The following KIF1A variants were observed in gnomAD, a reference collection of about 807,000 sequenced individuals.
KIF1A encodes the protein kinesin-like protein KIF1A.
In KIF1A, 46 loss-of-function variants were observed where a neutral mutation model predicts 227.3. The observed-to-expected ratio is 0.20, with a 90% CI of 0.16 to 0.26. The LOEUF (loss-of-function observed/expected upper bound fraction) is 0.26. KIF1A is among the 10% of genes least tolerant of loss of function. KIF1A has a pLI of 1.00. For synonymous variants in KIF1A, 1,022 were observed against 1,012.8 expected, an observed-to-expected ratio of 1.01 and a Z score of -0.17; for missense variants, 1,683 against 2,485.9, an observed-to-expected ratio of 0.68 and a Z score of 6.87.
In KIF1A at chr2:240,773,974, C is replaced by T. The variant is rs796116524; in HGVS notation, c.1037+209G>A. Among the ~76,000 whole-genome samples the T allele has an allele frequency of 1.1e-4, 16 of 152,328 alleles. 1 individual carries two copies. The highest frequency in any genetic ancestry group is 3.6e-4 in the African/African-American group (15 of 41,580). ...CTGGGCTGCCTGCAGCCCCAAAGCA[C>T]ACCCCCAAAGGCTCCATGGAGGGAA... On this transcript the variant is annotated intron_variant, in intron 12 of 48. Coordinates refer to ENST00000498729, the MANE Select transcript of KIF1A (RefSeq NM_001244008.2).
At position 240,788,034 on chromosome 2, in the gene KIF1A, C is replaced by CCCCCCCCCCCTCGG; in HGVS notation, c.363+16_363+17insCCGAGGGGGGGGGG. The CCCCCCCCCCCTCGG allele has an allele frequency of 1.2e-5, 17 of 1,449,042 alleles. No individual in the cohort carries two copies. Among genetic ancestry groups the CCCCCCCCCCCTCGG allele is most frequent in the Non-Finnish European group, 1.4e-5 (15 of 1,059,082 alleles). The allele number at this position is 1,449,042 out of a possible 1,614,324, so 89.8% of individuals were successfully genotyped here. On this transcript the variant is annotated intron_variant, in intron 4 of 48. Coordinates refer to ENST00000498729, the MANE Select transcript of KIF1A (RefSeq NM_001244008.2). This position sits in a 1 kb window ranked among gnomAD's most constrained non-coding sequence, Gnocchi z 6.6. ...CCCATCTGCCAGGGCTGCCCCCGCCCGCCCCCCGCTTCGTGCCTGTGGGAT... is the reference window on the plus strand; with the variant it reads ...CCCATCTGCCAGGGCTGCCCCCGCCCCCCCCCCCCCTCGGGCCCCCCGCTTCGTGCCTGTGGGAT...
intron 38 of KIF1A, 73 bp from the exon 39 acceptor site, chr2:240,727,013 A>G (rs2046091001): frequency 2.3e-6 from 2 of 881,488 alleles, no homozygotes; most frequent in Admixed American, 2.2e-5. Flanking sequence ...GGACATGCAG[A>G]CAGACAGAGC....
At chr2:240,744,770 G>A (rs60907367) in intron 32 of KIF1A, among the ~76,000 whole-genome samples, 8,439 of 152,254 alleles carry the variant, frequency 0.055, 264 homozygotes, top group African/African-American at 0.075. Flanking sequence ...CCCCACCTGT[G>A]GTGCTTTGTG....
chr2:240,742,903 G>A lies in KIF1A; in HGVS notation c.3640+26C>T, dbSNP rs1181161203. On this transcript the variant is annotated intron_variant, in intron 34 of 48. Coordinates refer to ENST00000498729, the MANE Select transcript of KIF1A (RefSeq NM_001244008.2). ...CACAGTGAGGGGAGCTCACTGCCCT[G>A]AGACGGCTCCAGAGACCCTTCCTAC... 3 of 1,602,856 alleles carry A rather than the reference G, an allele frequency of 1.9e-6. No individual in the cohort carries two copies. The Admixed American group carries it at 5.1e-5, about 27-fold the overall frequency.
chr2:240,809,157 C>T (rs1253924063), intron 1 of KIF1A, among the ~76,000 whole-genome samples: 1 of 152,140 alleles, frequency 6.6e-6, no homozygotes, highest in Non-Finnish European at 1.5e-5. Context: ...TTTAATTTTA[C>T]CCAAATTGAT....
In KIF1A at chr2:240,736,983, A is replaced by G; in HGVS notation, c.4007+80T>C. The G allele has an allele frequency of 8.5e-7, 1 of 1,180,078 alleles. No homozygotes were observed. The highest frequency in any genetic ancestry group is 1.3e-6 in the Non-Finnish European group (1 of 789,840). 73.1% of individuals were successfully genotyped at this position (1,180,078 alleles called of 1,614,324 possible). ...TTGAGCGGGTCACCTTGTGTGGCTG[A>G]ACCCTGTGCCGGGTTGGCTGAGGGC... On this transcript the variant is annotated intron_variant, in intron 38 of 48. Transcript: ENST00000498729. This position sits in a 1 kb window ranked among gnomAD's most constrained non-coding sequence, Gnocchi z 4.7.
At chr2:240,767,045 C>T in intron 18 of KIF1A, 24 bp from the exon 19 acceptor site, 1 of 1,563,984 alleles carries the variant, frequency 6.4e-7, no homozygotes, top group Non-Finnish European at 8.7e-7. Flanking sequence ...GCACCATCAG[C>T]ACGGCAGCTG....
intron 45 of KIF1A, among the ~76,000 whole-genome samples, chr2:240,720,437 G>A (rs772692834): frequency 1.8e-4 from 27 of 152,194 alleles, no homozygotes; most frequent in Non-Finnish European, 2.8e-4. Flanking sequence ...TTATTTAAAT[G>A]AAAATCTGGA....
At position 240,766,749 on chromosome 2, in the gene KIF1A, TCA is replaced by T. The variant is rs55815321; in HGVS notation, c.1684+164_1684+165del. On this transcript the variant is annotated intron_variant, in intron 19 of 48. Coordinates refer to ENST00000498729, the MANE Select transcript of KIF1A (RefSeq NM_001244008.2). This position sits in a 1 kb window ranked among gnomAD's most constrained non-coding sequence, Gnocchi z 5.0. ...CTCTCTCTCTCTCTCTCTCTCTCTC[TCA>T]CACACACACACACACACACACACAC... Among the ~76,000 whole-genome samples, 784 of 108,976 alleles carry T rather than the reference TCA, an allele frequency of 7.2e-3. 5 individuals are homozygous for T. Among genetic ancestry groups the T allele is most frequent in the African/African-American group, 0.023 (546 of 24,154 alleles). 71.5% of individuals were successfully genotyped at this position (108,976 alleles called of 152,430 possible). A position where few individuals can be genotyped will look rare whatever the true frequency, so the allele number is the denominator to read the frequency against.
At chr2:240,741,871 G>A (rs930987970) in intron 34 of KIF1A, among the ~76,000 whole-genome samples, 9 of 152,104 alleles carry the variant, frequency 5.9e-5, no homozygotes, top group East Asian at 1.9e-4. Context: ...CCCTCCACTC[G>A]TGTCCAGCTC....
At chr2:240,784,415 C>T (rs1055100925) in intron 7 of KIF1A, among the ~76,000 whole-genome samples, 5 of 152,202 alleles carry the variant, frequency 3.3e-5, no homozygotes, top group South Asian at 2.1e-4. Context: ...CAGGCAGCCG[C>T]GCCGACCTCG....
At chr2:240,763,473 A>C in intron 20 of KIF1A, 127 bp from the exon 21 acceptor site, 1 of 881,610 alleles carries the variant, frequency 1.1e-6, no homozygotes, top group Non-Finnish European at 1.7e-6. Flanking sequence ...GCTCCCAGCC[A>C]CTCCTTCTTC....
At chr2:240,762,887 G>T in intron 22 of KIF1A, 75 bp from the exon 23 acceptor site, 1 of 1,442,344 alleles carries the variant, frequency 6.9e-7, no homozygotes. Context: ...TAGACAGTGG[G>T]CCTCACCACA....
At position 240,789,072 on chromosome 2, in the gene KIF1A, T is replaced by C. The variant is rs1436515190; in HGVS notation, c.183+164A>G. Among the ~76,000 whole-genome samples, 1 of 152,160 alleles carries C rather than the reference T, an allele frequency of 6.6e-6. No homozygotes were observed. Among genetic ancestry groups the C allele is most frequent in the African/African-American group, 2.4e-5 (1 of 41,442 alleles). ...CCTCAGTTCCTGCAGCCTCCATCACTGCCTTCGCTGAGGACCGCTCAGGGT... is the reference window on the plus strand; with the variant it reads ...CCTCAGTTCCTGCAGCCTCCATCACCGCCTTCGCTGAGGACCGCTCAGGGT... On this transcript the variant is annotated intron_variant, in intron 3 of 48. Transcript: ENST00000498729. This position sits in a 1 kb window ranked among gnomAD's most constrained non-coding sequence, Gnocchi z 4.8.
intron 1 of KIF1A, among the ~76,000 whole-genome samples, chr2:240,804,614 T>G (rs1484462703): frequency 6.6e-6 from 1 of 152,046 alleles, no homozygotes; most frequent in Non-Finnish European, 1.5e-5. Flanking sequence ...CCTTCAAAGC[T>G]ACAGCCTCTG....
intron 2 of KIF1A, among the ~76,000 whole-genome samples, chr2:240,795,043 A>G (rs1208968628): frequency 2.0e-5 from 3 of 152,168 alleles, no homozygotes; most frequent in African/African-American, 7.2e-5. Flanking sequence ...AACCCCACAG[A>G]CATTTAATTT....
Position 240,725,532 on chromosome 2 carries a change from G to A in KIF1A, c.4123-128C>T. On this transcript the variant is annotated intron_variant, in intron 39 of 48. Transcript: ENST00000498729. This position sits in a 1 kb window ranked among gnomAD's most constrained non-coding sequence, Gnocchi z 5.8. ...CCCCAGGGCCTTCCCAGGGCCTCAG[G>A]TGTGGCCTGGACGCAGGCAGGAGAA... 1 of 1,005,088 alleles carries A rather than the reference G, an allele frequency of 9.9e-7. No homozygotes were observed. Among genetic ancestry groups the A allele is most frequent in the South Asian group, 1.6e-5 (1 of 61,452 alleles). The allele number at this position is 1,005,088 out of a possible 1,614,324, so 62.3% of individuals were successfully genotyped here. A position where few individuals can be genotyped will look rare whatever the true frequency, so the allele number is the denominator to read the frequency against.
intron 1 of KIF1A, among the ~76,000 whole-genome samples, chr2:240,807,514 A>C (rs1366922524): frequency 6.6e-6 from 1 of 152,230 alleles, no homozygotes; most frequent in African/African-American, 2.4e-5. Flanking sequence ...ATGTATTAAT[A>C]AATAGTTGCT....
intron 40 of KIF1A, chr2:240,724,485 C>G (rs567543634): frequency 1.3e-5 from 3 of 228,624 alleles, no homozygotes; most frequent in South Asian, 1.2e-4. Context: ...CCCACAATTA[C>G]TGAGTGACCT....
Sources: allele counts gnomAD v4.1 joint callset (sites outside exome capture counted in the v4.1 genomes callset), GRCh38; gene constraint gnomAD v4.1.1; non-coding constraint Gnocchi (gnomAD v3.1); transcripts MANE v1.5; gene names NCBI Gene and HGNC (gene_info 2026-07-23, HGNC 2026-07-21).